FBN1: variants seen among roughly 807,000 people sequenced by gnomAD.
FBN1 encodes fibrillin-1.
In FBN1, 29 loss-of-function variants were observed where a neutral mutation model predicts 365.1. That is an observed-to-expected ratio of 0.08 (90% confidence interval 0.06 to 0.11). FBN1 has a LOEUF of 0.11. Among genes scored for constraint, FBN1 ranks in the 10% least tolerant of loss-of-function variants. The pLI is 1.00. For missense variants in FBN1, 2,476 were observed against 3,703.2 expected, an observed-to-expected ratio of 0.67 and a Z score of 8.60; for synonymous variants, 1,210 against 1,270.5, an observed-to-expected ratio of 0.95 and a Z score of 1.01.
At chr15:48,420,920 A>C in intron 62 of FBN1, 114 bp from the exon 63 acceptor site, 15 of 1,182,704 alleles carry the variant, frequency 1.3e-5, no homozygotes, top group Non-Finnish European at 1.8e-5. Flanking sequence ...CTACCACCAA[A>C]AACTTCAAGA....
intron 63 of FBN1, among the ~76,000 whole-genome samples, chr15:48,415,985 C>T (rs2042901158): frequency 6.6e-6 from 1 of 152,076 alleles, no homozygotes; most frequent in Non-Finnish European, 1.5e-5. Context: ...GAAGATGAAA[C>T]ATGGAAGATG....
Position 48,474,271 on chromosome 15 carries a change from A to G in FBN1, c.4194T>C (p.Asp1398=), listed in dbSNP as rs2043401428. The G allele has an allele frequency of 1.9e-6, 3 of 1,614,146 alleles. No individual in the cohort carries two copies. The highest frequency in any genetic ancestry group is 2.5e-6 in the Non-Finnish European group (3 of 1,179,992). Residue 1398 remains aspartate (D), a synonymous_variant, in exon 34 of 66, where the codon GAT becomes GAC. Transcript: ENST00000316623. ...RCLCKEGYTG[D]GFTCTDLDEC... ...TGAACATACCTGTACAAGTGAAGCCATCACCTGTGTATCCTTCCTTGCACA... is the reference window on the plus strand; with the variant it reads ...TGAACATACCTGTACAAGTGAAGCCGTCACCTGTGTATCCTTCCTTGCACA...
chr15:48,484,145 A>G (rs2141289962), intron 30 of FBN1, among the ~76,000 whole-genome samples: 1 of 152,300 alleles, frequency 6.6e-6, no homozygotes, highest in East Asian at 1.9e-4. Context: ...AATATTTATA[A>G]TATACTGCTC....
In FBN1 at chr15:48,472,639, G is replaced by A; in HGVS notation, c.4248C>T (p.Gly1416=). The change falls in exon 35 of 66, where the codon GGC becomes GGT. Residue 1416 remains glycine, a synonymous_variant. Transcript: ENST00000316623. ...CTGGTGCATTGAGGCACTGGCCATTGCCACAGAGATTCAGGTTCTCAGAGC... is the reference window on the plus strand; with the variant it reads ...CTGGTGCATTGAGGCACTGGCCATTACCACAGAGATTCAGGTTCTCAGAGC... The part of the protein sequence containing the change: ...DECSENLNLC[G]NGQCLNAPGG... 2.5e-6 allele frequency: 4 copies of A among 1,614,172 alleles called. No individual in the cohort carries two copies. The highest frequency in any genetic ancestry group is 3.4e-6 in the Non-Finnish European group (4 of 1,180,026).
chr15:48,612,567 C>A (rs1424572557), intron 3 of FBN1, among the ~76,000 whole-genome samples: 1 of 152,222 alleles, frequency 6.6e-6, no homozygotes. Flanking sequence ...TTCCACTGAT[C>A]TTCGTCTGGT....
intron 46 of FBN1, among the ~76,000 whole-genome samples, chr15:48,447,735 T>C (rs561051286): frequency 6.6e-6 from 1 of 152,148 alleles, no homozygotes; most frequent in Admixed American, 6.5e-5. Flanking sequence ...AGGATTCCCT[T>C]TCTTTTCACA....
At chr15:48,452,767 A>G in intron 44 of FBN1, 83 bp from the exon 45 acceptor site, 2 of 1,463,710 alleles carry the variant, frequency 1.4e-6, no homozygotes, top group Non-Finnish European at 1.9e-6. Flanking sequence ...AAACAAATTT[A>G]TATTTTATTT....
intron 2 of FBN1, among the ~76,000 whole-genome samples, chr15:48,629,602 A>G (rs1889947933): frequency 6.6e-6 from 1 of 152,200 alleles, no homozygotes; most frequent in Admixed American, 6.5e-5. Context: ...ACACACATTG[A>G]AATATTTAAA....
rs1239715496 is a variant in FBN1 at position 48,497,429 on chromosome 15, AAAAT to A, written c.2168-42_2168-39del. The A allele has an allele frequency of 3.8e-6, 6 of 1,572,390 alleles. No individual in the cohort carries two copies. In the African/African-American group the frequency reaches 8.1e-5, roughly 21 times the overall value. On this transcript the variant is annotated intron_variant, in intron 18 of 65. Transcript: ENST00000316623. ...AAAGGTCAAAATCAATTAAGATTAT[AAAAT>A]AAATACTGAATGAATTGTTAAAAAT...
Position 48,618,948 on chromosome 15 carries a change from C to G in FBN1, c.165-5856G>C, listed in dbSNP as rs367828938. On this transcript the variant is annotated intron_variant, in intron 2 of 65. Coordinates refer to ENST00000316623, the MANE Select transcript of FBN1 (RefSeq NM_000138.5). Reference sequence around the variant, plus strand: ...GATCCTCTAGTCGCAGGAAAACAAGCTCAAGGCTCCCACTGATTCTACATT... The same window carrying G: ...GATCCTCTAGTCGCAGGAAAACAAGGTCAAGGCTCCCACTGATTCTACATT... Among the ~76,000 whole-genome samples, 10 of 152,266 alleles carry G rather than the reference C, an allele frequency of 6.6e-5. No individual in the cohort carries two copies. The East Asian group carries it at 1.2e-3, about 18-fold the overall frequency.
rs547573220 is a variant in FBN1 at position 48,434,601 on chromosome 15, T to C, written c.6609A>G (p.Thr2203=). 13 of 1,613,600 alleles carry C rather than the reference T, an allele frequency of 8.1e-6. No homozygotes were observed. In the East Asian group the frequency reaches 2.5e-4, roughly 30 times the overall value. Residue 2203 remains threonine (T), a synonymous_variant, in exon 54 of 66, where the codon ACA becomes ACG. Transcript: ENST00000316623. ...TCTGTTTAAGAGATGTACCTTCACA[T>C]GTCATCATTGGACCGGGCTCAAATC... ...EEGFEPGPMM[T]CEDINECAQN... is the part of the protein sequence containing the mutation.
rs538562599 is a variant in FBN1 at position 48,473,447 on chromosome 15, A to C, written c.4211-771T>G. Among the ~76,000 whole-genome samples the C allele has an allele frequency of 9.8e-5, 15 of 152,330 alleles. No homozygotes were observed. The East Asian group carries it at 2.7e-3, about 27-fold the overall frequency. On this transcript the variant is annotated intron_variant, in intron 34 of 65. Transcript: ENST00000316623. ...TCTGATATAAAAAGTGCTGTCTGTAAATATATGCACATGTAAGTATATGTA... is the reference window on the plus strand; with the variant it reads ...TCTGATATAAAAAGTGCTGTCTGTACATATATGCACATGTAAGTATATGTA...
Position 48,644,837 on chromosome 15 carries a change from G to A in FBN1, c.-68C>T. 1 of 1,426,784 alleles carries A rather than the reference G, an allele frequency of 7.0e-7. No homozygotes were observed. Among genetic ancestry groups the A allele is most frequent in the South Asian group, 1.4e-5 (1 of 70,220 alleles). 88.4% of individuals were successfully genotyped at this position (1,426,784 alleles called of 1,614,324 possible). A position where few individuals can be genotyped will look rare whatever the true frequency, so the allele number is the denominator to read the frequency against. On this transcript the variant is annotated 5_prime_UTR_variant, in exon 2 of 66. Coordinates refer to ENST00000316623, the MANE Select transcript of FBN1 (RefSeq NM_000138.5). ...CGGGGCTCGGTCTGCGGCCGCCGCT[G>A]CGCCCTGAAGCGCACCGCGCCGCCG...
At chr15:48,466,598 T>C (rs1160133654) in intron 38 of FBN1, among the ~76,000 whole-genome samples, 2 of 152,188 alleles carry the variant, frequency 1.3e-5, no homozygotes, top group Non-Finnish European at 2.9e-5. Context: ...AATGTCATGG[T>C]CTGTCCAGAT....
chr15:48,624,053 G>A (rs1566940610), intron 2 of FBN1, among the ~76,000 whole-genome samples: 1 of 151,590 alleles, frequency 6.6e-6, no homozygotes, highest in African/African-American at 2.4e-5. Context: ...CTCGGATCTG[G>A]GACATCATTT....
Position 48,634,748 on chromosome 15 carries a change from G to A in FBN1, c.164+9858C>T, listed in dbSNP as rs1183979365. On this transcript the variant is annotated intron_variant, in intron 2 of 65. Transcript: ENST00000316623. ...CTTATGAAATTACTTACAAAAAGAAGATGAAACAATGATGATGAAGAAAAA... is the reference window on the plus strand; with the variant it reads ...CTTATGAAATTACTTACAAAAAGAAAATGAAACAATGATGATGAAGAAAAA... 6.1e-5 allele frequency among the ~76,000 whole-genome samples: 9 copies of A among 147,602 alleles called. No homozygotes were observed. The South Asian group carries it at 8.9e-4, about 15-fold the overall frequency.
chr15:48,412,456 G>A, intron 65 of FBN1, 113 bp downstream of exon 65: 1 of 1,099,014 alleles, frequency 9.1e-7, no homozygotes, highest in Non-Finnish European at 1.4e-6. Flanking sequence ...AATGTCTGGA[G>A]TTTCTCCCTG....
Position 48,412,640 on chromosome 15 carries a change from T to C in FBN1, c.8155A>G (p.Lys2719Glu), listed in dbSNP as rs2041165600. ...SLSPEACYEC[K>E]INGYPKRGRK... ...CCCCGTTTGGGGTAGCCATTGATCTTACACTCGTAACAAGCCTCTGGGGAG... is the reference window on the plus strand; with the variant it reads ...CCCCGTTTGGGGTAGCCATTGATCTCACACTCGTAACAAGCCTCTGGGGAG... Residue 2719 changes from lysine to glutamate, a missense_variant, in exon 65 of 66, where the codon AAG (lysine) becomes GAG (glutamate). Physicochemically the swap from Lys to Glu is moderately conservative, Grantham distance 56. Coordinates refer to ENST00000316623, the MANE Select transcript of FBN1 (RefSeq NM_000138.5). The C allele has an allele frequency of 6.2e-7, 1 of 1,614,244 alleles. No homozygotes were observed. Among genetic ancestry groups the C allele is most frequent in the Non-Finnish European group, 8.5e-7 (1 of 1,180,030 alleles).
intron 17 of FBN1, among the ~76,000 whole-genome samples, chr15:48,501,286 T>C (rs997617683): frequency 6.6e-6 from 1 of 152,188 alleles, no homozygotes; most frequent in Admixed American, 6.5e-5. Context: ...ATGTCATTAT[T>C]ATGGGAGTGA....
Sources: gnomAD v4.1 joint callset for allele counts (sites outside exome capture counted in the v4.1 genomes callset) on GRCh38, gnomAD v4.1.1 for gene constraint, MANE v1.5 for transcripts, NCBI Gene and HGNC (gene_info 2026-07-23, HGNC 2026-07-21) for gene names.